The following TRPS1 variants were observed in gnomAD, a reference collection of about 807,000 sequenced individuals.
TRPS1 encodes transcriptional repressor GATA binding 1.
In TRPS1, 6 loss-of-function variants were observed where a neutral mutation model predicts 101.2. The ratio of observed to expected loss-of-function variants is 0.06; its 90% CI spans 0.03 to 0.12. The LOEUF is 0.12. Among genes scored for constraint, TRPS1 ranks in the 10% least tolerant of loss-of-function variants. TRPS1 has a pLI of 1.00. For synonymous variants in TRPS1, 578 were observed against 589.8 expected, an observed-to-expected ratio of 0.98 and a Z score of 0.29; for missense variants, 1,363 against 1,567.0, an observed-to-expected ratio of 0.87 and a Z score of 2.20.
At chr8:115,573,357 C>A (rs545869771) in intron 5 of TRPS1, among the ~76,000 whole-genome samples, 2 of 152,104 alleles carry the variant, frequency 1.3e-5, no homozygotes, top group African/African-American at 2.4e-5. Context: ...TAAAGCCTTG[C>A]CCATAGTTAG....
intron 1 of TRPS1, chr8:115,667,922 C>A: frequency 2.0e-6 from 3 of 1,535,518 alleles, no homozygotes; most frequent in Non-Finnish European, 2.6e-6. Context: ...CACGAGCCCC[C>A]AGAAAACTTG....
intron 1 of TRPS1, among the ~76,000 whole-genome samples, chr8:115,658,963 A>C (rs939709244): frequency 6.6e-6 from 1 of 152,132 alleles, no homozygotes; most frequent in African/African-American, 2.4e-5. Context: ...AAGTAAAAAG[A>C]AAAAGCAAAA....
intron 5 of TRPS1, among the ~76,000 whole-genome samples, chr8:115,575,428 T>G (rs545119819): frequency 1.3e-5 from 2 of 152,162 alleles, no homozygotes; most frequent in Non-Finnish European, 2.9e-5. Flanking sequence ...TGAGTGTGCA[T>G]GTGCCTGTGT....
At chr8:115,623,279 G>A (rs539227001) in intron 2 of TRPS1, among the ~76,000 whole-genome samples, 19 of 152,000 alleles carry the variant, frequency 1.3e-4, no homozygotes, top group East Asian at 7.7e-4. Flanking sequence ...TTGTGGGGGC[G>A]GGGGCATGTT....
intron 5 of TRPS1, among the ~76,000 whole-genome samples, chr8:115,572,373 C>A (rs891180914): frequency 1.3e-5 from 2 of 152,140 alleles, no homozygotes; most frequent in African/African-American, 2.4e-5. Context: ...TGATAAGCAA[C>A]CTCTTCTGGA....
chr8:115,497,952 G>A (rs1006812176), intron 5 of TRPS1, among the ~76,000 whole-genome samples: 1 of 152,038 alleles, frequency 6.6e-6, no homozygotes, highest in African/African-American at 2.4e-5. Context: ...CAGGAATGGA[G>A]AAATATTAGT....
At chr8:115,467,839 C>T (rs6469592) in intron 5 of TRPS1, among the ~76,000 whole-genome samples, 17,409 of 152,112 alleles carry the variant, frequency 0.11, 3,169 homozygotes, top group African/African-American at 0.39. Flanking sequence ...ATAATCATTT[C>T]TCCCCAGGTT....
chr8:115,454,448 T>C (rs900149408), intron 5 of TRPS1, among the ~76,000 whole-genome samples: 2 of 152,190 alleles, frequency 1.3e-5, no homozygotes, highest in Non-Finnish European at 2.9e-5. Context: ...ACAAGAGAAT[T>C]TGAACCACTA....
At chr8:115,615,604 C>G (rs1371729329) in intron 3 of TRPS1, among the ~76,000 whole-genome samples, 1 of 151,856 alleles carries the variant, frequency 6.6e-6, no homozygotes, top group Admixed American at 6.6e-5. Flanking sequence ...ACTAAAAATA[C>G]AAAAAAATTA....
At chr8:115,435,532 T>C (rs867510702) in intron 5 of TRPS1, among the ~76,000 whole-genome samples, 1 of 152,076 alleles carries the variant, frequency 6.6e-6, no homozygotes, top group African/African-American at 2.4e-5. Flanking sequence ...GCAGGATCCA[T>C]AGGGGACTCA....
At chr8:115,472,153 G>A (rs931055500) in intron 5 of TRPS1, among the ~76,000 whole-genome samples, 7 of 152,238 alleles carry the variant, frequency 4.6e-5, no homozygotes, top group African/African-American at 1.7e-4. Flanking sequence ...CCCTAGCAGA[G>A]GTTCTCAATG....
chr8:115,420,620 T>A (rs889739208), intron 5 of TRPS1, among the ~76,000 whole-genome samples: 4 of 152,218 alleles, frequency 2.6e-5, no homozygotes, highest in Non-Finnish European at 4.4e-5. Flanking sequence ...TCAGTGAGTG[T>A]TTCAACCCTT....
At chr8:115,613,485 T>C (rs1193844265) in intron 3 of TRPS1, among the ~76,000 whole-genome samples, 1 of 152,188 alleles carries the variant, frequency 6.6e-6, no homozygotes, top group Non-Finnish European at 1.5e-5. Flanking sequence ...CTACCCTCTA[T>C]TGCTTTGCTA....
chr8:115,577,094 C>T (rs1817335837), intron 5 of TRPS1, among the ~76,000 whole-genome samples: 1 of 152,040 alleles, frequency 6.6e-6, no homozygotes, highest in African/African-American at 2.4e-5. Context: ...TTCAATTATA[C>T]CATGATTTTG....
intron 5 of TRPS1, among the ~76,000 whole-genome samples, chr8:115,585,253 T>G (rs1817537744): frequency 6.6e-6 from 1 of 152,176 alleles, no homozygotes. Context: ...AAACAACTTT[T>G]TAGAAAAGTA....
rs1156330285 is a variant in TRPS1 at position 115,587,060 on chromosome 8, G to C, written c.2641C>G (p.Gln881Glu). 6.2e-6 allele frequency: 10 copies of C among 1,614,048 alleles called. No individual in the cohort carries two copies. The highest frequency in any genetic ancestry group is 8.5e-6 in the Non-Finnish European group (10 of 1,180,030). The change falls in exon 5 of 7, where the codon CAG becomes GAG. Residue 881 changes from glutamine to glutamate, a missense_variant. Around this residue, in one of 5 missense-constraint regions of TRPS1, gnomAD observed 1,020 missense variants for 1,073.0 expected, o/e 0.95. Transcript: ENST00000395715. The stretch of plus-strand genomic sequence containing the variant: ...TTTTCTCCCGATGCAGGATACTGCT[G>C]GGGGAGGGCCCCAGACTTCTCTCCG... ...AGGEKSGALP[Q>E]QYPASGENKS...
chr8:115,619,850 C>T lies in TRPS1; in HGVS notation c.248G>A (p.Ser83Asn). The T allele has an allele frequency of 1.2e-6, 2 of 1,614,204 alleles. No homozygotes were observed. Among genetic ancestry groups the T allele is most frequent in the South Asian group, 2.2e-5 (2 of 91,086 alleles). ...HSLHVQDPSS[S>N]SKKDLKSAVL... ...TGCGCTTTTCAAGTCCTTCTTACTG[C>T]TAGAAGATGGATCTTGAACATGCAA... Residue 83 changes from serine (S) to asparagine (N), a missense_variant, in exon 3 of 7, where the codon AGC (serine) becomes AAC (asparagine). This residue lies in a region of TRPS1 where 1,020 missense variants were observed against 1,073.0 expected (regional missense o/e 0.95). Coordinates refer to ENST00000395715, the MANE Select transcript of TRPS1 (RefSeq NM_014112.5).
At position 115,631,438 on chromosome 8, in the gene TRPS1, C is replaced by T. The variant is rs539214615; in HGVS notation, c.-121-7680G>A. Among the ~76,000 whole-genome samples, 13 of 152,036 alleles carry T rather than the reference C, an allele frequency of 8.6e-5. No individual in the cohort carries two copies. The South Asian group carries it at 2.7e-3, about 32-fold the overall frequency. On this transcript the variant is annotated intron_variant, in intron 1 of 6. Coordinates refer to ENST00000395715, the MANE Select transcript of TRPS1 (RefSeq NM_014112.5). ...TCTCATCAGTGATCTCAAGTTTTTT[C>T]CAGGTGCAACACATCTGAGGCTCAT...
At chr8:115,569,547 T>C (rs753966403) in intron 5 of TRPS1, among the ~76,000 whole-genome samples, 3 of 152,122 alleles carry the variant, frequency 2.0e-5, no homozygotes, top group African/African-American at 4.8e-5. Flanking sequence ...AGCTTTCAAG[T>C]TCTCGTATCC....
Sources: allele counts gnomAD v4.1 joint callset (sites outside exome capture counted in the v4.1 genomes callset), GRCh38; gene constraint gnomAD v4.1.1; regional missense constraint gnomAD v4.1.1; transcripts MANE v1.5; gene names NCBI Gene and HGNC (gene_info 2026-07-23, HGNC 2026-07-21).